The following EPB41 variants were observed in gnomAD, a reference collection of about 807,000 sequenced individuals.
The protein encoded by EPB41 is erythrocyte membrane protein band 4.1.
EPB41 carries 65 observed loss-of-function variants against 108.0 expected under a neutral mutation model. The ratio of observed to expected loss-of-function variants is 0.60; its 90% confidence interval spans 0.49 to 0.74. EPB41 has a LOEUF of 0.74. Among genes scored for constraint, EPB41 ranks in the 30% least tolerant of loss-of-function variants. The pLI is 0.00. For synonymous variants in EPB41, 336 were observed against 358.9 expected (o/e 0.94, Z 0.72); for missense variants, 875 against 1,037.0 (o/e 0.84, Z 2.15).
intron 11 of EPB41, among the ~76,000 whole-genome samples, chr1:29,044,986 A>T (rs1051099260): frequency 6.6e-6 from 1 of 152,196 alleles, no homozygotes; most frequent in African/African-American, 2.4e-5. Flanking sequence ...ATCTTTGTGT[A>T]CCCTTGTGTC....
chr1:28,924,299 TG>T (rs2093319013), intron 1 of EPB41, among the ~76,000 whole-genome samples: 1 of 152,106 alleles, frequency 6.6e-6, no homozygotes, highest in Non-Finnish European at 1.5e-5. Context: ...GAGGCCAAGG[TG>T]GGTGGATCAC....
chr1:28,981,803 C>G (rs1571882572), intron 1 of EPB41, among the ~76,000 whole-genome samples: 1 of 151,968 alleles, frequency 6.6e-6, no homozygotes, highest in East Asian at 1.9e-4. Flanking sequence ...GTAAAATGCT[C>G]TTTGGGCAAC....
rs71022390 is a variant in EPB41 at position 29,067,495 on chromosome 1, CAAAAAAAAAAAA to C, written c.2184+2351_2184+2362del. On this transcript the variant is annotated intron_variant, in intron 16 of 20. Coordinates refer to ENST00000343067, the MANE Select transcript of EPB41 (RefSeq NM_001376013.1). ...TGGGCGACAGAGCGAGACTCTGTCT[CAAAAAAAAAAAA>C]AAAAAAAAAAAAAGCCAGGCATGGT... Among the ~76,000 whole-genome samples the C allele has an allele frequency of 2.7e-4, 7 of 25,618 alleles. No individual in the cohort carries two copies. In the Admixed American group the frequency reaches 5.0e-3, roughly 18 times the overall value. 16.8% of individuals were successfully genotyped at this position (25,618 alleles called of 152,430 possible). A position where few individuals can be genotyped will look rare whatever the true frequency, so the allele number is the denominator to read the frequency against.
intron 11 of EPB41, among the ~76,000 whole-genome samples, chr1:29,049,040 AC>A (rs1185529867): frequency 6.6e-6 from 1 of 152,114 alleles, no homozygotes; most frequent in Non-Finnish European, 1.5e-5. Context: ...TATCAGGGAA[AC>A]TTTTACAAGA....
chr1:29,014,488 C>T (rs559589809), intron 5 of EPB41, among the ~76,000 whole-genome samples: 4 of 152,010 alleles, frequency 2.6e-5, no homozygotes, highest in African/African-American at 7.2e-5. Context: ...ATGCAGTTTT[C>T]GTTCCTGGAA....
At chr1:28,988,248 G>A (rs2095916188) in intron 2 of EPB41, among the ~76,000 whole-genome samples, 1 of 152,196 alleles carries the variant, frequency 6.6e-6, no homozygotes, top group Admixed American at 6.5e-5. Context: ...CAACAAGGAT[G>A]AGATTCCGTC....
intron 1 of EPB41, among the ~76,000 whole-genome samples, chr1:28,973,929 G>T (rs989246653): frequency 4.6e-5 from 7 of 152,132 alleles, no homozygotes; most frequent in African/African-American, 1.7e-4. Flanking sequence ...CTATGTCTTT[G>T]TAATTTCTGT....
chr1:29,008,477 G>A (rs1005915597), intron 4 of EPB41, among the ~76,000 whole-genome samples: 2 of 152,166 alleles, frequency 1.3e-5, no homozygotes, highest in Admixed American at 6.5e-5. Context: ...CTTATGTAAG[G>A]TTACACAGCT....
chr1:29,102,799 T>C (rs1665868627), intron 17 of EPB41, among the ~76,000 whole-genome samples: 1 of 151,452 alleles, frequency 6.6e-6, no homozygotes, highest in African/African-American at 2.4e-5. Flanking sequence ...TGAGACAGAG[T>C]TTCCCTCTTG....
At chr1:28,921,961 T>TATATATATATATATATACATATACACAC (rs770764638) in intron 1 of EPB41, among the ~76,000 whole-genome samples, 15 of 109,914 alleles carry the variant, frequency 1.4e-4, no homozygotes, top group African/African-American at 3.5e-4. Flanking sequence ...TATATATATA[T>TATATATATATATATATACATATACACAC]ACACTTTTTT....
At chr1:29,070,115 A>G (rs1438233978) in intron 16 of EPB41, 1 of 337,876 alleles carries the variant, frequency 3.0e-6, no homozygotes, top group African/African-American at 2.1e-5. Context: ...TAGCAAGGGG[A>G]AAGCCAGTGA....
intron 1 of EPB41, among the ~76,000 whole-genome samples, chr1:28,942,268 G>A (rs1417548119): frequency 1.3e-5 from 2 of 152,126 alleles, no homozygotes; most frequent in Non-Finnish European, 2.9e-5. Flanking sequence ...CCTGGAGATA[G>A]CATCAGATCC....
intron 4 of EPB41, among the ~76,000 whole-genome samples, chr1:29,000,742 G>A (rs909203649): frequency 2.0e-5 from 3 of 152,088 alleles, no homozygotes; most frequent in Non-Finnish European, 2.9e-5. Context: ...CGGGAACATT[G>A]TCAAAGGGAA....
intron 5 of EPB41, among the ~76,000 whole-genome samples, chr1:29,015,416 G>A (rs909611742): frequency 3.9e-5 from 6 of 151,968 alleles, no homozygotes; most frequent in Non-Finnish European, 7.4e-5. Flanking sequence ...AATTAGCCGG[G>A]CGTGGTGGTG....
chr1:28,987,015 TGGA>T (rs2095882203), intron 1 of EPB41, among the ~76,000 whole-genome samples: 1 of 152,224 alleles, frequency 6.6e-6, no homozygotes, highest in African/African-American at 2.4e-5. Flanking sequence ...TCTTGGTGTG[TGGA>T]GAATTTTGCA....
intron 16 of EPB41, among the ~76,000 whole-genome samples, chr1:29,078,115 A>G (rs1654847372): frequency 1.3e-5 from 2 of 152,158 alleles, no homozygotes; most frequent in African/African-American, 4.8e-5. Context: ...AATCTCAGCT[A>G]TTCGGGAGAC....
intron 1 of EPB41, among the ~76,000 whole-genome samples, chr1:28,983,620 C>T (rs1030763633): frequency 5.9e-5 from 9 of 152,084 alleles, no homozygotes; most frequent in Admixed American, 6.6e-5. Context: ...TGCGAGTGAA[C>T]GAGGTGGGAA....
intron 7 of EPB41, among the ~76,000 whole-genome samples, chr1:29,027,603 T>G (rs2096737278): frequency 6.6e-6 from 1 of 151,936 alleles, no homozygotes; most frequent in Non-Finnish European, 1.5e-5. Flanking sequence ...AGTGCTGGGA[T>G]TATAGGCATG....
intron 16 of EPB41, among the ~76,000 whole-genome samples, chr1:29,066,350 C>T (rs532428720): frequency 8.6e-5 from 13 of 150,332 alleles, no homozygotes; most frequent in South Asian, 2.1e-4. Context: ...ACCTGGGAGG[C>T]GGAGATTGCA....
Sources: gnomAD v4.1 joint callset for allele counts (sites outside exome capture counted in the v4.1 genomes callset) on GRCh38, gnomAD v4.1.1 for gene constraint, MANE v1.5 for transcripts, NCBI Gene and HGNC (gene_info 2026-07-23, HGNC 2026-07-21) for gene names.